The following GLIS1 variants were observed in gnomAD, a reference collection of about 807,000 sequenced individuals.
GLIS1 encodes the protein GLIS family zinc finger 1, also known as zinc finger protein GLIS1.
Under a neutral mutation model 63.8 loss-of-function variants are expected in GLIS1, and 24 were observed. That is an observed-to-expected ratio of 0.38 (90% confidence interval 0.27 to 0.53). The LOEUF (loss-of-function observed/expected upper bound fraction) is 0.53. GLIS1 is among the 20% of genes least tolerant of loss of function. The pLI, the probability that GLIS1 is intolerant of heterozygous loss-of-function variation, is 0.85. For synonymous variants in GLIS1, 450 were observed against 482.5 expected (o/e 0.93, Z 0.88); for missense variants, 1,036 against 1,074.1 (o/e 0.96, Z 0.50).
chr1:53,734,580 A>G (rs1408122761), intron 2 of GLIS1, among the ~76,000 whole-genome samples: 1 of 152,214 alleles, frequency 6.6e-6, no homozygotes, highest in Non-Finnish European at 1.5e-5. Flanking sequence ...ATAAAATGGG[A>G]ATCACATTAA....
Position 53,720,390 on chromosome 1 carries a change from G to A in GLIS1, c.259+17416C>T, listed in dbSNP as rs185619505. Among the ~76,000 whole-genome samples, 3 of 152,228 alleles carry A rather than the reference G, an allele frequency of 2.0e-5. No individual in the cohort carries two copies. In the East Asian group the frequency reaches 5.8e-4, roughly 29 times the overall value. Reference sequence around the variant, plus strand: ...GAACTGTGTTAAATGAAACAAGCCAGACACAGAAAGAAAAATACCGTAACT... The same window carrying A: ...GAACTGTGTTAAATGAAACAAGCCAAACACAGAAAGAAAAATACCGTAACT... On this transcript the variant is annotated intron_variant, in intron 2 of 10. Transcript: ENST00000628545.
intron 3 of GLIS1, among the ~76,000 whole-genome samples, chr1:53,597,258 AGCTACTCGGGAGCCTGAG>A (rs1645267612): frequency 6.9e-6 from 1 of 144,546 alleles, no homozygotes; most frequent in Non-Finnish European, 1.5e-5. Context: ...CTGTAGTCCC[AGCTACTCGGGAGCCTGAG>A]GCAGGAGAAT....
chr1:53,564,381 GCAA>G (rs549345381), intron 4 of GLIS1, among the ~76,000 whole-genome samples: 69 of 152,090 alleles, frequency 4.5e-4, no homozygotes, highest in South Asian at 1.9e-3. Context: ...GACAATAACG[GCAA>G]CAACAACAAA....
chr1:53,632,869 T>A (rs952646524), intron 2 of GLIS1, among the ~76,000 whole-genome samples: 6 of 146,890 alleles, frequency 4.1e-5, no homozygotes, highest in Non-Finnish European at 8.9e-5. Flanking sequence ...GAGAGGCATG[T>A]GTATGAGTGT....
At chr1:53,601,162 C>T (rs527494162) in intron 2 of GLIS1, among the ~76,000 whole-genome samples, 50 of 152,128 alleles carry the variant, frequency 3.3e-4, no homozygotes, top group Non-Finnish European at 6.9e-4. Context: ...GATGTGAGCC[C>T]CTACTCTGCC....
At position 53,637,026 on chromosome 1, in the gene GLIS1, A is replaced by G. The variant is rs1001532005; in HGVS notation, c.260-36748T>C. 2.6e-5 allele frequency among the ~76,000 whole-genome samples: 4 copies of G among 152,320 alleles called. No homozygotes were observed. The South Asian group carries it at 6.2e-4, about 24-fold the overall frequency. Reference sequence around the variant, plus strand: ...CTGCAGGACGTGAGGGTGACTGGACATGGGAGCTACAGAAGGATGCTGCCT... The same window carrying G: ...CTGCAGGACGTGAGGGTGACTGGACGTGGGAGCTACAGAAGGATGCTGCCT... On this transcript the variant is annotated intron_variant, in intron 2 of 10. Transcript: ENST00000628545.
intron 4 of GLIS1, among the ~76,000 whole-genome samples, chr1:53,561,004 C>A (rs889852385): frequency 1.3e-5 from 2 of 152,144 alleles, no homozygotes; most frequent in Admixed American, 1.3e-4. Flanking sequence ...CGGGACCAAG[C>A]CCCTACTGTG....
At chr1:53,528,483 G>C (rs1024622666) in intron 5 of GLIS1, among the ~76,000 whole-genome samples, 1 of 152,160 alleles carries the variant, frequency 6.6e-6, no homozygotes, top group African/African-American at 2.4e-5. Context: ...CCCCATCTTG[G>C]TTGGTCACCA....
intron 4 of GLIS1, among the ~76,000 whole-genome samples, chr1:53,547,464 T>C (rs111580294): frequency 3.2e-4 from 49 of 152,376 alleles, no homozygotes; most frequent in African/African-American, 1.2e-3. Context: ...TGAGCTCTAC[T>C]GTACTTCTCA....
At position 53,598,951 on chromosome 1, in the gene GLIS1, C is replaced by T. The variant is rs548846322; in HGVS notation, c.437+1150G>A. 6.6e-6 allele frequency among the ~76,000 whole-genome samples: 1 copy of T among 152,306 alleles called. No individual in the cohort carries two copies. Among genetic ancestry groups the T allele is most frequent in the South Asian group, 2.1e-4 (1 of 4,822 alleles). On this transcript the variant is annotated intron_variant, in intron 3 of 10. Transcript: ENST00000628545. This position sits in a 1 kb window ranked among gnomAD's most constrained non-coding sequence, Gnocchi z 4.6. ...TCCTTCACCAAGATGCTCCCAGCAC[C>T]GACCACAGTGCCTGGCACATGACAG...
chr1:53,528,311 G>A (rs1363144910), intron 5 of GLIS1, among the ~76,000 whole-genome samples: 2 of 152,216 alleles, frequency 1.3e-5, no homozygotes, highest in African/African-American at 2.4e-5. Flanking sequence ...CTGCTCTGCT[G>A]CATCCCCCAA....
rs1274265309 is a variant in GLIS1 at position 53,646,947 on chromosome 1, G to C, written c.260-46669C>G. On this transcript the variant is annotated intron_variant, in intron 2 of 10. Coordinates refer to ENST00000628545, the MANE Select transcript of GLIS1 (RefSeq NM_001367484.1). The surrounding 1 kb of genome is among the most constrained non-coding windows in gnomAD (Gnocchi z 4.2). ...AAGGAAGGAAAGAAGGAAGGAAAGG[G>C]AAGGGAAGGGAAGGAAAGGAAGGAA... 8.7e-6 allele frequency among the ~76,000 whole-genome samples: 1 copy of C among 114,666 alleles called. No homozygotes were observed. Among genetic ancestry groups the C allele is most frequent in the African/African-American group, 3.8e-5 (1 of 26,322 alleles). 75.2% of individuals were successfully genotyped at this position (114,666 alleles called of 152,430 possible). A position where few individuals can be genotyped will look rare whatever the true frequency, so the allele number is the denominator to read the frequency against.
chr1:53,628,504 C>G (rs11206181), intron 2 of GLIS1, among the ~76,000 whole-genome samples: 4,714 of 152,224 alleles, frequency 0.031, 199 homozygotes, highest in African/African-American at 0.09. Flanking sequence ...AGTGCGTTCG[C>G]CAGGCTTACA....
At chr1:53,685,741 C>T (rs900091481) in intron 2 of GLIS1, among the ~76,000 whole-genome samples, 1 of 152,160 alleles carries the variant, frequency 6.6e-6, no homozygotes, top group Non-Finnish European at 1.5e-5. Flanking sequence ...CCTAACCCAT[C>T]CCCTCCTCTC....
chr1:53,607,263 A>T (rs1019178831), intron 2 of GLIS1, among the ~76,000 whole-genome samples: 6 of 152,062 alleles, frequency 3.9e-5, no homozygotes, highest in African/African-American at 1.4e-4. Context: ...AAATACATGT[A>T]TTTTCTTTTC....
chr1:53,529,809 C>T lies in GLIS1; in HGVS notation c.1464G>A (p.Gln488=). The stretch of plus-strand genomic sequence containing the variant: ...GGCCTACCGTGTCTAGGTGGGTGCG[C>T]TGGTGCTTGGCGCGGTCGCTGGAGT... ...FSNSSDRAKH[Q]RTHLDTKPYA... is the part of the protein sequence containing the mutation. Residue 488 remains glutamine, a synonymous_variant, in exon 5 of 11, where the codon CAG becomes CAA. Transcript: ENST00000628545. 1 of 1,612,726 alleles carries T rather than the reference C, an allele frequency of 6.2e-7. No individual in the cohort carries two copies. Among genetic ancestry groups the T allele is most frequent in the South Asian group, 1.1e-5 (1 of 91,032 alleles).
chr1:53,520,759 G>A lies in GLIS1; in HGVS notation c.1601C>T (p.Ala534Val), dbSNP rs770862967. The A allele has an allele frequency of 3.1e-6, 5 of 1,604,030 alleles. No homozygotes were observed. The highest frequency in any genetic ancestry group is 1.3e-5 in the African/African-American group (1 of 74,754). The change falls in exon 7 of 11, where the codon GCG (alanine) becomes GTG (valine). Residue 534 changes from alanine to valine, a missense_variant. Around this residue, in one of 3 missense-constraint regions of GLIS1, gnomAD observed 400 missense variants for 400.9 expected, o/e 1.00. Coordinates refer to ENST00000628545, the MANE Select transcript of GLIS1 (RefSeq NM_001367484.1). The stretch of plus-strand genomic sequence containing the variant: ...GACGTCGGCCTCGGTGTCAGGGCCC[G>A]CATGCAGCTGGGGAGCAAGCAGAGG... ...KEQQVRKKLH[A>V]GPDTEADVLT...
At position 53,641,181 on chromosome 1, in the gene GLIS1, C is replaced by T. The variant is rs181994286; in HGVS notation, c.260-40903G>A. 2.0e-5 allele frequency among the ~76,000 whole-genome samples: 3 copies of T among 152,292 alleles called. No homozygotes were observed. The East Asian group carries it at 5.8e-4, about 29-fold the overall frequency. On this transcript the variant is annotated intron_variant, in intron 2 of 10. Coordinates refer to ENST00000628545, the MANE Select transcript of GLIS1 (RefSeq NM_001367484.1). ...CTTGGAACCATCAGAGTGCCCAGTC[C>T]AGGGTTTGCATACAAAAGGTGCTCA... is the stretch of plus-strand genomic sequence containing the variant.
chr1:53,641,142 C>T (rs147896903), intron 2 of GLIS1, among the ~76,000 whole-genome samples: 119 of 152,246 alleles, frequency 7.8e-4, no homozygotes, highest in African/African-American at 2.4e-3. Context: ...GCAGGGTCTG[C>T]GGTGTTGACT....
Sources: gnomAD v4.1 joint callset for allele counts (sites outside exome capture counted in the v4.1 genomes callset) on GRCh38, gnomAD v4.1.1 for gene constraint, gnomAD v4.1.1 regional missense constraint, Gnocchi (gnomAD v3.1) non-coding constraint, MANE v1.5 for transcripts, NCBI Gene and HGNC (gene_info 2026-07-23, HGNC 2026-07-21) for gene names.